Variants in PRMT2 observed in about 807,000 individuals in gnomAD.
PRMT2 encodes the protein protein arginine N-methyltransferase 2.
Under a neutral mutation model 57.6 loss-of-function variants are expected in PRMT2, and 26 were observed. That is an observed-to-expected ratio of 0.45 (90% CI 0.33 to 0.63). PRMT2 has a LOEUF of 0.63. Ranked by LOEUF, PRMT2 falls within the 20% of genes least tolerant of loss-of-function variation. The pLI, the probability that PRMT2 is intolerant of heterozygous loss-of-function variation, is 0.02. For missense variants in PRMT2, 472 were observed against 564.4 expected, an observed-to-expected ratio of 0.84 and a Z score of 1.66; for synonymous variants, 219 against 220.0, an observed-to-expected ratio of 1.00 and a Z score of 0.04.
At chr21:46,643,705 T>G in intron 4 of PRMT2, 66 bp downstream of exon 4, 1 of 1,510,600 alleles carries the variant, frequency 6.6e-7, no homozygotes, top group Non-Finnish European at 8.9e-7. Context: ...GGAGATAAAT[T>G]TTGCAGACGT....
intron 5 of PRMT2, among the ~76,000 whole-genome samples, chr21:46,647,971 T>C (rs1273175472): frequency 6.7e-6 from 1 of 149,560 alleles, no homozygotes; most frequent in African/African-American, 2.5e-5. Flanking sequence ...CCAGCAGTTC[T>C]TTTTTTTTTA....
At position 46,664,516 on chromosome 21, in the gene PRMT2, A is replaced by G. The variant is rs1402393508; in HGVS notation, c.*189A>G. 2 of 714,122 alleles carry G rather than the reference A, an allele frequency of 2.8e-6. No individual in the cohort carries two copies. The highest frequency in any genetic ancestry group is 3.5e-5 in the African/African-American group (2 of 56,858). The allele number at this position is 714,122 out of a possible 1,614,324, so 44.2% of individuals were successfully genotyped here. ...GACAAACACGCTTGGGCTCGGCAGGAGCTGCCGTGGCCACCCCCGCTGCCC... is the reference window on the plus strand; with the variant it reads ...GACAAACACGCTTGGGCTCGGCAGGGGCTGCCGTGGCCACCCCCGCTGCCC... On this transcript the variant is annotated 3_prime_UTR_variant, in exon 12 of 12. Coordinates refer to ENST00000355680, the MANE Select transcript of PRMT2 (RefSeq NM_206962.4).
intron 7 of PRMT2, chr21:46,652,142 G>A: frequency 6.9e-7 from 1 of 1,452,034 alleles, no homozygotes; most frequent in African/African-American, 1.4e-5. Context: ...TTGGAGAAAA[G>A]AGGCCCTTCT....
chr21:46,654,744 C>T (rs972911974), intron 7 of PRMT2: 6 of 182,342 alleles, frequency 3.3e-5, no homozygotes, highest in East Asian at 1.9e-4. Context: ...TAAAGTCTGT[C>T]GGAGGATGTG....
chr21:46,654,793 G>A (rs143425325), intron 7 of PRMT2: 3 of 564,770 alleles, frequency 5.3e-6, no homozygotes, highest in Admixed American at 1.3e-4. Flanking sequence ...TTTATATGGG[G>A]GACTTTAGCA....
At chr21:46,645,721 G>GTT (rs975286483) in intron 5 of PRMT2, among the ~76,000 whole-genome samples, 5 of 142,148 alleles carry the variant, frequency 3.5e-5, no homozygotes, top group East Asian at 2.0e-4. Flanking sequence ...GTTTGTTTTT[G>GTT]TTTTTTTTTT....
At chr21:46,657,069 G>A (rs894883688) in intron 7 of PRMT2, 1 of 152,094 alleles carries the variant, frequency 6.6e-6, no homozygotes, top group Non-Finnish European at 1.5e-5. Flanking sequence ...GTTCAGCATA[G>A]CCATCAGGGA....
chr21:46,638,163 T>TTAG (rs2061208153), intron 3 of PRMT2, among the ~76,000 whole-genome samples: 2 of 152,210 alleles, frequency 1.3e-5, no homozygotes, highest in East Asian at 3.8e-4. Context: ...TTTTAGAGTT[T>TTAG]CCATAGTGGT....
chr21:46,660,378 T>G (rs1409671062), intron 8 of PRMT2, among the ~76,000 whole-genome samples: 1 of 152,208 alleles, frequency 6.6e-6, no homozygotes, highest in African/African-American at 2.4e-5. Context: ...TCGTTTATTA[T>G]AGAGTAACCT....
chr21:46,659,669 G>A (rs2061590991), intron 8 of PRMT2: 1 of 985,356 alleles, frequency 1.0e-6, no homozygotes, highest in South Asian at 4.7e-5. Flanking sequence ...GGCAGTGGCA[G>A]GGAGGTGTGG....
rs1263718636 is a variant in PRMT2, at chr21:46,643,648, A to G, written c.144+9A>G. 8 of 1,595,350 alleles carry G rather than the reference A, an allele frequency of 5.0e-6. No homozygotes were observed. The highest frequency in any genetic ancestry group is 2.2e-5 in the East Asian group (1 of 44,540). On this transcript the variant is annotated intron_variant, in intron 4 of 11. Coordinates refer to ENST00000355680, the MANE Select transcript of PRMT2 (RefSeq NM_206962.4). ...CCACCGATGAGACCCAGGTAGCCACACGTGGTGGTTAATGCTTTATGGCTT... is the reference window on the plus strand; with the variant it reads ...CCACCGATGAGACCCAGGTAGCCACGCGTGGTGGTTAATGCTTTATGGCTT...
At chr21:46,653,594 G>A in intron 7 of PRMT2, 2 of 1,121,358 alleles carry the variant, frequency 1.8e-6, no homozygotes, top group South Asian at 4.1e-5. Flanking sequence ...CCTAAGGGAG[G>A]ACTTCTGGCC....
In PRMT2 at chr21:46,649,831, T is replaced by TGC. The variant is rs1458252662; in HGVS notation, c.654+94_654+95dup. On this transcript the variant is annotated intron_variant, in intron 7 of 11. Transcript: ENST00000355680. The surrounding 1 kb of genome is among the most constrained non-coding windows in gnomAD (Gnocchi z 4.8). ...GCCAACCTCAGGATCTCAAGGGTCG[T>TGC]GCGTGATTCATTTTGATGTTTTCCC... 2.6e-6 allele frequency: 4 copies of TGC among 1,540,408 alleles called. No homozygotes were observed. The highest frequency in any genetic ancestry group is 3.5e-6 in the Non-Finnish European group (4 of 1,137,334).
intron 9 of PRMT2, 84 bp from the exon 10 acceptor site, chr21:46,661,716 G>C (rs1047363640): frequency 3.2e-6 from 4 of 1,233,716 alleles, no homozygotes; most frequent in Non-Finnish European, 4.1e-6. Flanking sequence ...GCGTCTGCGC[G>C]GGGCGCGTGG....
chr21:46,643,590 C>T lies in PRMT2; in HGVS notation c.95C>T (p.Pro32Leu). The change falls in exon 4 of 12, where the codon CCA becomes CTA. Residue 32 changes from proline to leucine, a missense_variant. Around this residue, in one of 2 missense-constraint regions of PRMT2, gnomAD observed 243 missense variants for 347.2 expected, o/e 0.70. Transcript: ENST00000355680. ...GGTCTCCTGCAGGAGGGAGTACAGC[C>T]AGAGGAGTTTGTGGCCATCGCGGAC... ...EAGLLQEGVQ[P>L]EEFVAIADYA... The T allele has an allele frequency of 6.2e-7, 1 of 1,610,878 alleles. No homozygotes were observed. Among genetic ancestry groups the T allele is most frequent in the African/African-American group, 1.3e-5 (1 of 74,794 alleles).
intron 3 of PRMT2, among the ~76,000 whole-genome samples, chr21:46,641,632 C>T (rs1669328713): frequency 6.6e-6 from 1 of 152,002 alleles, no homozygotes; most frequent in African/African-American, 2.4e-5. Context: ...GTGGAGGTTG[C>T]AGTGAGCCGA....
At chr21:46,650,975 C>T (rs1427834792) in intron 7 of PRMT2, among the ~76,000 whole-genome samples, 3 of 152,238 alleles carry the variant, frequency 2.0e-5, no homozygotes, top group South Asian at 4.1e-4. Flanking sequence ...TCCTGGACAC[C>T]GAAGGGAGTG....
At chr21:46,645,931 C>T (rs536130576) in intron 5 of PRMT2, among the ~76,000 whole-genome samples, 2 of 152,226 alleles carry the variant, frequency 1.3e-5, no homozygotes, top group South Asian at 4.1e-4. Context: ...CCAGACTGGT[C>T]TTGAACTCCT....
rs7116 is a variant in PRMT2, at chr21:46,664,908, C to G, written c.*581C>G. On this transcript the variant is annotated 3_prime_UTR_variant, in exon 12 of 12. Transcript: ENST00000355680. ...TCTTCCAAATAAATTATGTGTTGGT[C>G]CATCGCACATGCTCAATAAATATTT... The G allele has an allele frequency of 0.62, 94,910 of 153,330 alleles. 29,844 individuals are homozygous for G. Among genetic ancestry groups the G allele is most frequent in the Non-Finnish European group, 0.67 (46,385 of 68,812 alleles). 9.5% of individuals were successfully genotyped at this position (153,330 alleles called of 1,614,324 possible).
Sources: allele counts gnomAD v4.1 joint callset (sites outside exome capture counted in the v4.1 genomes callset), GRCh38; gene constraint gnomAD v4.1.1; regional missense constraint gnomAD v4.1.1; non-coding constraint Gnocchi (gnomAD v3.1); transcripts MANE v1.5; gene names NCBI Gene and HGNC (gene_info 2026-07-23, HGNC 2026-07-21).